PPFIA1: variants seen among roughly 807,000 people sequenced by gnomAD.
PPFIA1 encodes liprin-alpha-1.
A neutral mutation model predicts 149.9 loss-of-function variants in PPFIA1; 25 were observed. The ratio of observed to expected loss-of-function variants is 0.17; its 90% CI spans 0.12 to 0.23. PPFIA1 has a LOEUF of 0.23. PPFIA1 is among the 10% of genes least tolerant of loss of function. The pLI, the probability that PPFIA1 is intolerant of heterozygous loss-of-function variation, is 1.00. For synonymous variants in PPFIA1, 549 were observed against 552.8 expected (o/e 0.99, Z 0.10); for missense variants, 1,362 against 1,506.5 (o/e 0.90, Z 1.59).
At chr11:70,277,018 T>C (rs1310340212) in intron 2 of PPFIA1, among the ~76,000 whole-genome samples, 1 of 118,908 alleles carries the variant, frequency 8.4e-6, no homozygotes, top group Admixed American at 8.7e-5. Flanking sequence ...TTTTTTTTGC[T>C]TTTTTTTTGT....
At chr11:70,354,212 G>A (rs113237634) in intron 16 of PPFIA1, 89 bp from the exon 17 acceptor site, 7 of 1,374,828 alleles carry the variant, frequency 5.1e-6, no homozygotes, top group East Asian at 4.6e-5. Flanking sequence ...ACAGCAAATC[G>A]ATTTTCAAAG....
chr11:70,331,778 TCAAAAA>T (rs71049906), intron 8 of PPFIA1, among the ~76,000 whole-genome samples, 176 bp from the exon 9 acceptor site: 67,474 of 150,190 alleles, frequency 0.45, 16,731 homozygotes, highest in African/African-American at 0.66. Context: ...AGACTATGTC[TCAAAAA>T]CAAAAACAAA....
chr11:70,278,131 T>C (rs1192297297), intron 2 of PPFIA1, among the ~76,000 whole-genome samples: 1 of 152,030 alleles, frequency 6.6e-6, no homozygotes, highest in Non-Finnish European at 1.5e-5. Flanking sequence ...GGATGGTCTC[T>C]ATCTGTTGAC....
At chr11:70,331,728 CA>C (rs2054676029) in intron 8 of PPFIA1, among the ~76,000 whole-genome samples, 1 of 150,840 alleles carries the variant, frequency 6.6e-6, no homozygotes, top group Admixed American at 6.6e-5. Flanking sequence ...TGCAGTGAGC[CA>C]AGATTGTGCC....
At chr11:70,365,904 G>C (rs1021232221) in intron 21 of PPFIA1, 25 of 456,272 alleles carry the variant, frequency 5.5e-5, no homozygotes, top group African/African-American at 4.8e-4. Context: ...AATACTAATA[G>C]TTATGTTCTT....
chr11:70,349,471 A>G (rs1015228003), intron 16 of PPFIA1, among the ~76,000 whole-genome samples: 1 of 151,640 alleles, frequency 6.6e-6, no homozygotes, highest in South Asian at 2.1e-4. Flanking sequence ...ATCTTTATCT[A>G]AAAAAAAACC....
chr11:70,354,190 C>A, intron 16 of PPFIA1, 111 bp from the exon 17 acceptor site: 1 of 1,148,520 alleles, frequency 8.7e-7, no homozygotes, highest in African/African-American at 1.5e-5. Context: ...ACTTTCTGTG[C>A]TGGCAGAAAG....
At chr11:70,314,914 CAG>C (rs1357963758) in intron 2 of PPFIA1, among the ~76,000 whole-genome samples, 6 of 152,168 alleles carry the variant, frequency 3.9e-5, no homozygotes, top group African/African-American at 1.2e-4. Context: ...GTTACAGTCA[CAG>C]GGGAAGGCAA....
chr11:70,330,323 A>G lies in PPFIA1; in HGVS notation c.1077+4A>G, dbSNP rs1347961368. 2.6e-6 allele frequency: 4 copies of G among 1,563,712 alleles called. No individual in the cohort carries two copies. The highest frequency in any genetic ancestry group is 3.5e-6 in the Non-Finnish European group (4 of 1,159,342). On this transcript the variant is annotated splice_donor_region_variant and intron_variant, in intron 8 of 27. Coordinates refer to ENST00000253925, the MANE Select transcript of PPFIA1 (RefSeq NM_003626.5). ...TAAAGATTCTATGCATCGACAGGTA[A>G]TGGATTTTATCGACCTTTGTCTGGC... is the stretch of plus-strand genomic sequence containing the variant.
chr11:70,369,595 G>T (rs1343083335), intron 21 of PPFIA1, among the ~76,000 whole-genome samples: 1 of 152,136 alleles, frequency 6.6e-6, no homozygotes, highest in East Asian at 1.9e-4. Flanking sequence ...GCTATCTTGG[G>T]TAGAGATTTT....
chr11:70,347,946 T>G (rs557426514), intron 15 of PPFIA1, among the ~76,000 whole-genome samples: 4 of 152,258 alleles, frequency 2.6e-5, no homozygotes, highest in African/African-American at 9.6e-5. Context: ...GAGGTTGCAG[T>G]GAGCCGAGAT....
intron 16 of PPFIA1, among the ~76,000 whole-genome samples, chr11:70,349,094 T>C (rs899243414): frequency 6.9e-6 from 1 of 145,192 alleles, no homozygotes; most frequent in African/African-American, 2.6e-5. Flanking sequence ...TGCATTTCTT[T>C]CCTTTCGGAG....
intron 2 of PPFIA1, among the ~76,000 whole-genome samples, chr11:70,279,961 T>G (rs1018504171): frequency 2.1e-5 from 3 of 143,736 alleles, no homozygotes; most frequent in African/African-American, 8.1e-5. Context: ...CAGGCTGTAG[T>G]GTAGTGGTGC....
At chr11:70,354,151 C>T in intron 16 of PPFIA1, 150 bp from the exon 17 acceptor site, 1 of 771,110 alleles carries the variant, frequency 1.3e-6, no homozygotes, top group African/African-American at 1.7e-5. Flanking sequence ...GCTGCGTGGC[C>T]CTTCAGAATG....
In PPFIA1 at chr11:70,348,347, G is replaced by A; in HGVS notation, c.2090G>A (p.Ser697Asn). The change falls in exon 16 of 28, where the codon AGT becomes AAT. Residue 697 changes from serine to asparagine, a missense_variant. By Grantham distance (46) the Ser-to-Asn change is conservative (BLOSUM62 1). Around this residue, in one of 7 missense-constraint regions of PPFIA1, gnomAD observed 733 missense variants for 744.1 expected, o/e 0.99. Coordinates refer to ENST00000253925, the MANE Select transcript of PPFIA1 (RefSeq NM_003626.5). ...CTTGCTAGCTCCTCCCCTCCGGGCA[G>A]TGGGCGCTCCACCCCACGAAGGATC... ...SSLASSSPPG[S>N]GRSTPRRIPH... 1.2e-6 allele frequency: 2 copies of A among 1,614,164 alleles called. No homozygotes were observed. Among genetic ancestry groups the A allele is most frequent in the Non-Finnish European group, 1.7e-6 (2 of 1,180,004 alleles).
intron 2 of PPFIA1, among the ~76,000 whole-genome samples, chr11:70,293,643 C>T (rs2051691631): frequency 6.6e-6 from 1 of 152,156 alleles, no homozygotes; most frequent in Non-Finnish European, 1.5e-5. Flanking sequence ...TCTGCTGGAG[C>T]CTTGTGTTAC....
At chr11:70,278,996 G>C (rs904696890) in intron 2 of PPFIA1, 1 of 565,760 alleles carries the variant, frequency 1.8e-6, no homozygotes, top group Non-Finnish European at 3.4e-6. Flanking sequence ...TTGTAGACTT[G>C]AAGAGAGAGC....
chr11:70,377,340 T>C (rs147274515), intron 25 of PPFIA1, among the ~76,000 whole-genome samples: 1 of 152,284 alleles, frequency 6.6e-6, no homozygotes, highest in Non-Finnish European at 1.5e-5. Context: ...ACACAAAATG[T>C]TAATTTCCCC....
chr11:70,356,266 G>A lies in PPFIA1; in HGVS notation c.2582+12G>A, dbSNP rs1186332526. ...AAACTTCAAAAAAAGTAAGCTTTGT[G>A]TTATTTCTTCATCTCATTGAATGGT... On this transcript the variant is annotated intron_variant, in intron 19 of 27. Transcript: ENST00000253925. 14 of 1,603,054 alleles carry A rather than the reference G, an allele frequency of 8.7e-6. No individual in the cohort carries two copies. Among genetic ancestry groups the A allele is most frequent in the African/African-American group, 1.3e-5 (1 of 74,750 alleles).
Sources: allele counts gnomAD v4.1 joint callset (sites outside exome capture counted in the v4.1 genomes callset), GRCh38; gene constraint gnomAD v4.1.1; regional missense constraint gnomAD v4.1.1; transcripts MANE v1.5; gene names NCBI Gene and HGNC (gene_info 2026-07-23, HGNC 2026-07-21).